Variants in FAN1 observed in about 807,000 individuals in gnomAD.
FAN1 encodes the protein fanconi-associated nuclease 1.
Under a neutral mutation model 104.9 loss-of-function variants are expected in FAN1, and 91 were observed. That is an observed-to-expected ratio of 0.87 (90% CI 0.73 to 1.03). FAN1 has a LOEUF of 1.03. Among genes scored for constraint, FAN1 ranks in the 50% least tolerant of loss-of-function variants. FAN1 has a pLI of 0.00. For synonymous variants in FAN1, 478 were observed against 457.6 expected (o/e 1.04, Z -0.57); for missense variants, 1,263 against 1,239.9 (o/e 1.02, Z -0.28).
At chr15:30,932,401 C>T (rs1185350804) in intron 13 of FAN1, among the ~76,000 whole-genome samples, 4 of 151,870 alleles carry the variant, frequency 2.6e-5, no homozygotes, top group Non-Finnish European at 4.4e-5. Context: ...TTGAGCTGTA[C>T]TTTTCTTTTC....
intron 8 of FAN1, among the ~76,000 whole-genome samples, chr15:30,922,556 T>C (rs1488838449): frequency 6.6e-6 from 1 of 152,158 alleles, no homozygotes; most frequent in Non-Finnish European, 1.5e-5. Context: ...CTGGAAGCTT[T>C]TGTCTTCTCT....
chr15:30,907,985 A>G, intron 2 of FAN1, 133 bp from the exon 3 acceptor site: 1 of 572,150 alleles, frequency 1.7e-6, no homozygotes, highest in East Asian at 3.3e-5. Flanking sequence ...TACTTTCAAA[A>G]TGGTTTATTC....
chr15:30,921,606 G>A (rs2062332323), intron 7 of FAN1, among the ~76,000 whole-genome samples: 1 of 152,130 alleles, frequency 6.6e-6, no homozygotes, highest in African/African-American at 2.4e-5. Flanking sequence ...TGAATCCCAG[G>A]GGAGTGATGG....
intron 4 of FAN1, chr15:30,911,066 A>G: frequency 3.3e-6 from 4 of 1,226,912 alleles, no homozygotes; most frequent in South Asian, 7.9e-5. Flanking sequence ...GGTAAATTGT[A>G]GTATTTTATT....
At chr15:30,925,088 T>G in intron 8 of FAN1, 39 bp from the exon 9 acceptor site, 1 of 1,563,654 alleles carries the variant, frequency 6.4e-7, no homozygotes, top group Non-Finnish European at 8.7e-7. Context: ...CGCCATGGGT[T>G]TTTTTAGGAG....
chr15:30,911,120 A>C (rs1198465269), intron 4 of FAN1: 3 of 1,124,480 alleles, frequency 2.7e-6, no homozygotes, highest in Non-Finnish European at 3.3e-6. Context: ...TGGGATTTTA[A>C]GGTAAACTAT....
rs770026729 is a variant in FAN1, at chr15:30,905,759, C to G, written c.1096C>G (p.Pro366Ala). The stretch of plus-strand genomic sequence containing the variant: ...GGAGCAGGGGTCAAGCTGCAATGGT[C>G]CTGGTCAAACAACCGGTCATCCTTA... ...PLEQGSSCNG[P>A]GQTTGHPYYL... Residue 366 changes from proline (P) to alanine (A), a missense_variant, in exon 2 of 15, where the codon CCT becomes GCT. Physicochemically the swap from Pro to Ala is conservative, Grantham distance 27. Coordinates refer to ENST00000362065, the MANE Select transcript of FAN1 (RefSeq NM_014967.5). 6 of 1,614,064 alleles carry G rather than the reference C, an allele frequency of 3.7e-6. No homozygotes were observed. The highest frequency in any genetic ancestry group is 5.1e-6 in the Non-Finnish European group (6 of 1,180,030).
intron 13 of FAN1, among the ~76,000 whole-genome samples, chr15:30,932,783 G>A (rs2062750034): frequency 6.9e-6 from 1 of 145,694 alleles, no homozygotes; most frequent in Admixed American, 7.0e-5. Context: ...GCGTGAGTTA[G>A]CTCACTGCAA....
intron 4 of FAN1, among the ~76,000 whole-genome samples, chr15:30,912,336 G>A (rs1478126763): frequency 1.3e-5 from 2 of 151,930 alleles, no homozygotes; most frequent in Non-Finnish European, 2.9e-5. Flanking sequence ...TTATGATAAA[G>A]AAACAGAAAC....
chr15:30,942,173 A>G lies in FAN1; in HGVS notation c.*611A>G. 7.4e-7 allele frequency: 1 copy of G among 1,358,016 alleles called. No homozygotes were observed. Among genetic ancestry groups the G allele is most frequent in the Non-Finnish European group, 1.0e-6 (1 of 999,690 alleles). The allele number at this position is 1,358,016 out of a possible 1,614,324, so 84.1% of individuals were successfully genotyped here. A position where few individuals can be genotyped will look rare whatever the true frequency, so the allele number is the denominator to read the frequency against. The stretch of plus-strand genomic sequence containing the variant: ...ACTCAATACTATGAAAAATTAATGG[A>G]ATTTCAGCCTCAAAGAACATTTTCC... On this transcript the variant is annotated 3_prime_UTR_variant, in exon 15 of 15. Coordinates refer to ENST00000362065, the MANE Select transcript of FAN1 (RefSeq NM_014967.5).
Position 30,942,054 on chromosome 15 carries a change from G to C in FAN1, c.*492G>C. ...TTTAAGGCAGACGGCATTCCTCTTA[G>C]TGTGGAGCTGTAGCTTTTCTATACA... On this transcript the variant is annotated 3_prime_UTR_variant, in exon 15 of 15. Transcript: ENST00000362065. The C allele has an allele frequency of 6.2e-7, 1 of 1,613,632 alleles. No homozygotes were observed. Among genetic ancestry groups the C allele is most frequent in the Non-Finnish European group, 8.5e-7 (1 of 1,179,670 alleles).
intron 8 of FAN1, 23 bp downstream of exon 8, chr15:30,922,377 T>C: frequency 6.3e-7 from 1 of 1,576,534 alleles, no homozygotes; most frequent in East Asian, 2.2e-5. Flanking sequence ...AAAACATATC[T>C]GAAACACCTT....
chr15:30,939,415 C>T (rs895202486), intron 14 of FAN1: 147 of 985,324 alleles, frequency 1.5e-4, no homozygotes, highest in Non-Finnish European at 1.7e-4. Flanking sequence ...GTCCCTCTGA[C>T]GGCAGAGGTG....
intron 14 of FAN1, chr15:30,941,097 C>A: frequency 1.6e-6 from 2 of 1,227,264 alleles, no homozygotes; most frequent in South Asian, 2.8e-5. Flanking sequence ...AAAAATGACA[C>A]GAAACACAAA....
chr15:30,907,561 A>G (rs1478100416), intron 2 of FAN1, among the ~76,000 whole-genome samples: 6 of 152,144 alleles, frequency 3.9e-5, no homozygotes, highest in Admixed American at 6.5e-5. Flanking sequence ...CAACCAAAAA[A>G]AACAACACCA....
At chr15:30,918,406 C>A in intron 6 of FAN1, 111 bp downstream of exon 6, 2 of 1,111,938 alleles carry the variant, frequency 1.8e-6, no homozygotes, top group Non-Finnish European at 2.6e-6. Context: ...TGTGGTTAAA[C>A]CAGCTGTGGA....
intron 3 of FAN1, among the ~76,000 whole-genome samples, chr15:30,909,740 T>G (rs1265393840): frequency 1.3e-5 from 2 of 152,192 alleles, no homozygotes; most frequent in Non-Finnish European, 2.9e-5. Flanking sequence ...TCTCAGAGCC[T>G]TGGACTGACT....
chr15:30,942,286 C>T lies in FAN1; in HGVS notation c.*724C>T, dbSNP rs2063080819. ...ACTCTACCTAGGCTGTTACTATCAG[C>T]CTGAATGGGGGCGGGATGAGAGTAC... On this transcript the variant is annotated 3_prime_UTR_variant, in exon 15 of 15. Transcript: ENST00000362065. The T allele has an allele frequency of 3.2e-6, 2 of 626,572 alleles. No individual in the cohort carries two copies. The highest frequency in any genetic ancestry group is 3.1e-5 in the Admixed American group (1 of 32,396). 38.8% of individuals were successfully genotyped at this position (626,572 alleles called of 1,614,324 possible). A position where few individuals can be genotyped will look rare whatever the true frequency, so the allele number is the denominator to read the frequency against.
At chr15:30,939,750 A>C (rs759875323) in intron 14 of FAN1, 5 of 984,826 alleles carry the variant, frequency 5.1e-6, no homozygotes, top group Admixed American at 6.1e-5. Flanking sequence ...AAAAAGGGAG[A>C]ATTGTGATTA....
Sources: allele counts gnomAD v4.1 joint callset (sites outside exome capture counted in the v4.1 genomes callset), GRCh38; gene constraint gnomAD v4.1.1; transcripts MANE v1.5; gene names NCBI Gene and HGNC (gene_info 2026-07-23, HGNC 2026-07-21).